ARHGEF10: variants seen among roughly 807,000 people sequenced by gnomAD.
ARHGEF10 encodes the protein Rho guanine nucleotide exchange factor 10.
A neutral mutation model predicts 147.4 loss-of-function variants in ARHGEF10; 140 were observed. That is an observed-to-expected ratio of 0.95 (90% confidence interval 0.83 to 1.09). ARHGEF10 has a LOEUF of 1.09. Among genes scored for constraint, ARHGEF10 ranks in the 50% least tolerant of loss-of-function variants. The pLI, the probability that ARHGEF10 is intolerant of heterozygous loss-of-function variation, is 0.00. For missense variants in ARHGEF10, 2,222 were observed against 1,752.7 expected (o/e 1.27, Z -4.78); for synonymous variants, 902 against 695.8 (o/e 1.30, Z -4.67).
intron 1 of ARHGEF10, among the ~76,000 whole-genome samples, chr8:1,826,411 C>CTG (rs1000039005): frequency 6.7e-5 from 3 of 45,106 alleles, no homozygotes; most frequent in East Asian, 4.7e-4. Flanking sequence ...TGTGTGTGTG[C>CTG]TGTGTGTGTG....
chr8:1,888,054 A>G (rs1214756862), intron 11 of ARHGEF10, among the ~76,000 whole-genome samples: 1 of 131,810 alleles, frequency 7.6e-6, no homozygotes. Flanking sequence ...GTTAGGAGAC[A>G]GTGAGTGGGA....
chr8:1,946,079 T>A (rs1814566523), intron 27 of ARHGEF10, among the ~76,000 whole-genome samples: 1 of 152,130 alleles, frequency 6.6e-6, no homozygotes, highest in South Asian at 2.1e-4. Flanking sequence ...GAGGCCTATG[T>A]TTGTGAATGC....
At chr8:1,834,770 A>C (rs1001398234) in intron 1 of ARHGEF10, among the ~76,000 whole-genome samples, 7 of 152,128 alleles carry the variant, frequency 4.6e-5, no homozygotes, top group African/African-American at 1.7e-4. Flanking sequence ...TCGTGGATTT[A>C]TGTCTTGAGT....
At chr8:1,926,209 G>A (rs571387224) in intron 22 of ARHGEF10, among the ~76,000 whole-genome samples, 168 bp from the exon 23 acceptor site, 8 of 152,356 alleles carry the variant, frequency 5.3e-5, no homozygotes, top group African/African-American at 1.7e-4. Flanking sequence ...ACTTCTGAGA[G>A]TTGTACTTTT....
intron 27 of ARHGEF10, among the ~76,000 whole-genome samples, chr8:1,946,915 C>T (rs1422805262): frequency 2.0e-5 from 3 of 152,208 alleles, no homozygotes; most frequent in Non-Finnish European, 4.4e-5. Context: ...GTTCTTTTCT[C>T]AGGGGCTAAC....
intron 2 of ARHGEF10, 86 bp from the exon 3 acceptor site, chr8:1,857,874 C>CGAT: frequency 2.3e-6 from 1 of 431,452 alleles, no homozygotes; most frequent in Non-Finnish European, 3.5e-6. Context: ...TAACATAGAT[C>CGAT]GATCGATCTA....
intron 1 of ARHGEF10, among the ~76,000 whole-genome samples, chr8:1,838,465 C>A (rs1200993348): frequency 2.0e-5 from 3 of 152,274 alleles, no homozygotes; most frequent in Non-Finnish European, 2.9e-5. Flanking sequence ...GAGAAGCCAT[C>A]CCTTTCTCTG....
chr8:1,873,434 G>C (rs1253978028), intron 7 of ARHGEF10, among the ~76,000 whole-genome samples: 1 of 125,478 alleles, frequency 8.0e-6, no homozygotes, highest in Non-Finnish European at 1.8e-5. Flanking sequence ...ATTGAGAGGA[G>C]CCCGCGGGGT....
At position 1,918,022 on chromosome 8, in the gene ARHGEF10, AGGT is replaced by A. The variant is rs577039900; in HGVS notation, c.2144-4940_2144-4938del. On this transcript the variant is annotated intron_variant, in intron 18 of 28. Coordinates refer to ENST00000349830, the MANE Select transcript of ARHGEF10 (RefSeq NM_014629.4). ...AGGCTGGTCTCGAACTCCTGACCTC[AGGT>A]GATCCACCTACCTTGGCCTCCCAAA... Among the ~76,000 whole-genome samples the A allele has an allele frequency of 1.1e-4, 17 of 151,944 alleles. 1 individual carries two copies. The South Asian group carries it at 3.5e-3, about 32-fold the overall frequency.
At chr8:1,852,748 A>T (rs1805244258) in intron 2 of ARHGEF10, among the ~76,000 whole-genome samples, 1 of 152,248 alleles carries the variant, frequency 6.6e-6, no homozygotes, top group Non-Finnish European at 1.5e-5. Flanking sequence ...TTGATGAGCC[A>T]ATTACCTGCA....
intron 11 of ARHGEF10, among the ~76,000 whole-genome samples, chr8:1,886,781 A>C (rs1429831957): frequency 6.6e-6 from 1 of 152,168 alleles, no homozygotes; most frequent in African/African-American, 2.4e-5. Context: ...CTGGACTCGG[A>C]GGAGGCTGAT....
chr8:1,944,849 C>T (rs557023703), intron 26 of ARHGEF10, among the ~76,000 whole-genome samples: 3 of 152,224 alleles, frequency 2.0e-5, no homozygotes, highest in Non-Finnish European at 4.4e-5. Context: ...GCCCCTGAGG[C>T]CATGTTGGGG....
In ARHGEF10 at chr8:1,957,647, A is replaced by G. The variant is rs546845068; in HGVS notation, c.*384A>G. On this transcript the variant is annotated 3_prime_UTR_variant, in exon 29 of 29. Transcript: ENST00000349830. Reference sequence around the variant, plus strand: ...GCAGACTAAGAATTTATGAGAAAATATATGTATTCAGTAGTGCAGGCATTT... The same window carrying G: ...GCAGACTAAGAATTTATGAGAAAATGTATGTATTCAGTAGTGCAGGCATTT... 5.0e-4 allele frequency: 113 copies of G among 226,450 alleles called. No individual in the cohort carries two copies. The highest frequency in any genetic ancestry group is 5.7e-4 in the Non-Finnish European group (65 of 114,888). 14.0% of individuals were successfully genotyped at this position (226,450 alleles called of 1,614,324 possible).
Position 1,880,052 on chromosome 8 carries a change from C to A in ARHGEF10, c.848C>A (p.Ser283Tyr). The A allele has an allele frequency of 6.2e-7, 1 of 1,610,184 alleles. No individual in the cohort carries two copies. The highest frequency in any genetic ancestry group is 8.5e-7 in the Non-Finnish European group (1 of 1,176,378). Residue 283 changes from serine to tyrosine, a missense_variant, in exon 9 of 29, where the codon TCT becomes TAT. Coordinates refer to ENST00000349830, the MANE Select transcript of ARHGEF10 (RefSeq NM_014629.4). ...CTGTGTCTCTTTATGCTGTAGCTTT[C>A]TCATGACCTAACCCGTTTAAAGGAG... ...FLRSNHKKQL[S>Y]HDLTRLKEHY...
At chr8:1,935,800 C>T (rs1425882703) in intron 26 of ARHGEF10, among the ~76,000 whole-genome samples, 1 of 152,214 alleles carries the variant, frequency 6.6e-6, no homozygotes, top group Non-Finnish European at 1.5e-5. Flanking sequence ...GGCATCTATG[C>T]CCCACAGAGC....
At chr8:1,894,142 C>G (rs1216195032) in intron 12 of ARHGEF10, among the ~76,000 whole-genome samples, 4 of 147,792 alleles carry the variant, frequency 2.7e-5, no homozygotes, top group Admixed American at 1.4e-4. Flanking sequence ...CCATTGCACT[C>G]TAGCACGGGT....
intron 1 of ARHGEF10, among the ~76,000 whole-genome samples, chr8:1,840,309 G>A (rs1049212978): frequency 7.0e-6 from 1 of 141,974 alleles, no homozygotes; most frequent in African/African-American, 2.7e-5. Flanking sequence ...TGTCTGGTGT[G>A]GGGACTGTCT....
At position 1,925,381 on chromosome 8, in the gene ARHGEF10, G is replaced by C. The variant is rs751604541; in HGVS notation, c.2587G>C (p.Val863Leu). The change falls in exon 22 of 29, where the codon GTG (valine) becomes CTG (leucine). Residue 863 changes from valine to leucine, a missense_variant. Physicochemically the swap from Val to Leu is conservative, Grantham distance 32 (BLOSUM62 1). Coordinates refer to ENST00000349830, the MANE Select transcript of ARHGEF10 (RefSeq NM_014629.4). ...PLLVGHMPVM[V>L]AKQQEFKIEC... ...CCTCGTCGGACACATGCCCGTGATG[G>C]TGGCCAAGCAGCAGGAGTTCAAGGT... 3 of 1,614,002 alleles carry C rather than the reference G, an allele frequency of 1.9e-6. No homozygotes were observed. Among genetic ancestry groups the C allele is most frequent in the Non-Finnish European group, 1.7e-6 (2 of 1,180,042 alleles).
chr8:1,881,138 G>C (rs1260993097), intron 9 of ARHGEF10, among the ~76,000 whole-genome samples: 2 of 152,208 alleles, frequency 1.3e-5, no homozygotes, highest in African/African-American at 4.8e-5. Context: ...GGCACTGTGG[G>C]AAGTGGGAAA....
Sources: allele counts gnomAD v4.1 joint callset (sites outside exome capture counted in the v4.1 genomes callset), GRCh38; gene constraint gnomAD v4.1.1; transcripts MANE v1.5; gene names NCBI Gene and HGNC (gene_info 2026-07-23, HGNC 2026-07-21).